The following MAF variants were observed in gnomAD, a reference collection of about 807,000 sequenced individuals.
MAF encodes MAF bZIP transcription factor.
A neutral mutation model predicts 22.0 loss-of-function variants in MAF; 10 were observed. That is an observed-to-expected ratio of 0.45 (90% CI 0.28 to 0.77). MAF has a LOEUF of 0.77. MAF is among the 30% of genes least tolerant of loss of function. The pLI is 0.12. For missense variants in MAF, 544 were observed against 548.4 expected (o/e 0.99, Z 0.08); for synonymous variants, 337 against 255.8 (o/e 1.32, Z -3.03).
At chr16:79,333,106 C>G in the MAF span, among the ~76,000 whole-genome samples, 2 of 152,330 alleles carry the variant, frequency 1.3e-5, no homozygotes, top group South Asian at 4.1e-4. Context: ...CATTTCCCAT[C>G]TCAGCGGGAG....
chr16:79,524,273 GC>G, the MAF span, among the ~76,000 whole-genome samples: 1 of 152,184 alleles, frequency 6.6e-6, no homozygotes, highest in Non-Finnish European at 1.5e-5. Flanking sequence ...TTAGCCGGGG[GC>G]TATGCAATAC....
chr16:79,378,784 G>T, the MAF span, among the ~76,000 whole-genome samples: 6,658 of 152,026 alleles, frequency 0.044, 469 homozygotes, highest in African/African-American at 0.15. Context: ...TTTTCTTCTT[G>T]TTGGGCATTT....
the MAF span, among the ~76,000 whole-genome samples, chr16:79,381,803 G>T: frequency 6.6e-6 from 1 of 152,142 alleles, no homozygotes; most frequent in Non-Finnish European, 1.5e-5. Context: ...GAACACATTG[G>T]CCCTGATTGG....
At chr16:79,262,576 G>A in the MAF span, among the ~76,000 whole-genome samples, 7 of 152,284 alleles carry the variant, frequency 4.6e-5, no homozygotes, top group African/African-American at 1.7e-4. Context: ...GCATGGAGGT[G>A]TGACAATGGC....
chr16:79,468,724 T>C, the MAF span, among the ~76,000 whole-genome samples: 2 of 151,974 alleles, frequency 1.3e-5, no homozygotes, highest in Non-Finnish European at 2.9e-5. Flanking sequence ...TCAAATCCTT[T>C]GGGGTAGAGG....
the MAF span, among the ~76,000 whole-genome samples, chr16:79,339,349 G>A: frequency 0.054 from 8,200 of 152,252 alleles, 323 homozygotes; most frequent in East Asian, 0.17. Flanking sequence ...GTGAGCCACC[G>A]CACCCGGCCT....
At chr16:79,524,906 A>T in the MAF span, among the ~76,000 whole-genome samples, 3 of 152,204 alleles carry the variant, frequency 2.0e-5, no homozygotes, top group Admixed American at 6.5e-5. Context: ...TGTGGCCAAC[A>T]CGCACACAGA....
chr16:79,334,647 A>G, the MAF span, among the ~76,000 whole-genome samples: 1 of 152,182 alleles, frequency 6.6e-6, no homozygotes, highest in African/African-American at 2.4e-5. Flanking sequence ...GCATTCAATG[A>G]AAAGCAGGCC....
chr16:79,423,441 C>T, the MAF span, among the ~76,000 whole-genome samples: 1 of 152,174 alleles, frequency 6.6e-6, no homozygotes, highest in Non-Finnish European at 1.5e-5. Context: ...GCAAATCAAA[C>T]CCGATGACTT....
At chr16:79,588,595 G>C (rs1371504132) in intron 1 of MAF, among the ~76,000 whole-genome samples, 1 of 151,954 alleles carries the variant, frequency 6.6e-6, no homozygotes, top group African/African-American at 2.4e-5. Flanking sequence ...CTGAGTAGCT[G>C]GGATTACAGG....
chr16:79,258,914 AG>A, the MAF span, among the ~76,000 whole-genome samples: 1 of 152,172 alleles, frequency 6.6e-6, no homozygotes, highest in Non-Finnish European at 1.5e-5. Flanking sequence ...GGTAGAGAGA[AG>A]ATGGGACCCA....
chr16:79,521,647 C>T, the MAF span, among the ~76,000 whole-genome samples: 2 of 152,184 alleles, frequency 1.3e-5, no homozygotes, highest in Non-Finnish European at 2.9e-5. Flanking sequence ...ACAAAGTCCA[C>T]GCATCACGCA....
At chr16:79,247,630 G>A in the MAF span, among the ~76,000 whole-genome samples, 1 of 152,110 alleles carries the variant, frequency 6.6e-6, no homozygotes, top group African/African-American at 2.4e-5. Flanking sequence ...GTGGCTATTT[G>A]CAAACTGCTT....
chr16:79,348,707 G>A, the MAF span, among the ~76,000 whole-genome samples: 3 of 152,216 alleles, frequency 2.0e-5, no homozygotes, highest in Non-Finnish European at 2.9e-5. Context: ...TGGTCAGGGC[G>A]GGTTTCAGGG....
At chr16:79,213,276 C>T in the MAF span, among the ~76,000 whole-genome samples, 1 of 150,788 alleles carries the variant, frequency 6.6e-6, no homozygotes, top group African/African-American at 2.5e-5. Flanking sequence ...TGTGCCTCTG[C>T]ATCTGTGGTG....
At chr16:79,305,114 G>C in the MAF span, among the ~76,000 whole-genome samples, 1 of 152,186 alleles carries the variant, frequency 6.6e-6, no homozygotes, top group Non-Finnish European at 1.5e-5. Flanking sequence ...GTATTAGAAC[G>C]TCCAAAGAAA....
the MAF span, among the ~76,000 whole-genome samples, chr16:79,567,585 T>G: frequency 2.0e-5 from 3 of 152,232 alleles, no homozygotes; most frequent in African/African-American, 7.2e-5. Context: ...TGTCCTGATC[T>G]GGGTCAAATT....
the MAF span, chr16:79,206,804 A>T: frequency 6.6e-6 from 1 of 152,106 alleles, no homozygotes; most frequent in African/African-American, 2.4e-5. Context: ...GTGGTCACCT[A>T]GCCAGGGAGG....
chr16:79,209,012 C>CTTT, the MAF span, among the ~76,000 whole-genome samples: 1 of 151,992 alleles, frequency 6.6e-6, no homozygotes, highest in East Asian at 1.9e-4. Flanking sequence ...TAGAGAAGGT[C>CTTT]GTCTTTGCTT....
Sources: allele counts gnomAD v4.1 joint callset (sites outside exome capture counted in the v4.1 genomes callset), GRCh38; gene constraint gnomAD v4.1.1; transcripts MANE v1.5; gene names NCBI Gene and HGNC (gene_info 2026-07-23, HGNC 2026-07-21).